TDRD6: variants seen among roughly 807,000 people sequenced by gnomAD.
TDRD6 encodes the protein tudor domain containing 6.
A neutral mutation model predicts 157.5 loss-of-function variants in TDRD6; 186 were observed. The ratio of observed to expected loss-of-function variants is 1.18; its 90% confidence interval spans 1.05 to 1.33. The LOEUF is 1.33. TDRD6 is among the 40% of genes most tolerant of loss of function. TDRD6 has a pLI of 0.00. For synonymous variants in TDRD6, 1,075 were observed against 945.2 expected, an observed-to-expected ratio of 1.14 and a Z score of -2.52; for missense variants, 3,066 against 2,508.0, an observed-to-expected ratio of 1.22 and a Z score of -4.75.
Position 46,691,883 on chromosome 6 carries a change from C to T in TDRD6, c.3755C>T (p.Pro1252Leu), listed in dbSNP as rs1052863482. Reference sequence around the variant, plus strand: ...GGAAATAAAAATAGTCAAGTGTTTCCATTAACAACAGAAAAGAAAGAAGAA... The same window carrying T: ...GGAAATAAAAATAGTCAAGTGTTTCTATTAACAACAGAAAAGAAAGAAGAA... ...SVGNKNSQVFPLTTEKKEEIS... is the reference protein window; with the variant it reads ...SVGNKNSQVFLLTTEKKEEIS... The change falls in exon 1 of 4, where the codon CCA (proline) becomes CTA (leucine). Residue 1252 changes from proline (P) to leucine (L), a missense_variant. By Grantham distance (98) the Pro-to-Leu change is moderately conservative (BLOSUM62 -3). Transcript: ENST00000316081. 6.3e-7 allele frequency: 1 copy of T among 1,592,656 alleles called. No homozygotes were observed. The highest frequency in any genetic ancestry group is 8.5e-7 in the Non-Finnish European group (1 of 1,174,496).
At chr6:46,687,724 C>G (rs1472345970), upstream of TDRD6, 1 of 178,922 alleles carries the variant, frequency 5.6e-6, no homozygotes, top group African/African-American at 2.4e-5. Context: ...GTCGAAGGCG[C>G]TCTGAGGAGA....
intron 3 of TDRD6, among the ~76,000 whole-genome samples, chr6:46,698,409 C>G (rs1169211670): frequency 6.6e-6 from 1 of 152,040 alleles, no homozygotes; most frequent in African/African-American, 2.4e-5. Flanking sequence ...CGATAATATA[C>G]CCATCCAGAG....
intron 1 of TDRD6, among the ~76,000 whole-genome samples, chr6:46,695,302 A>G (rs886118014): frequency 5.3e-5 from 8 of 152,162 alleles, no homozygotes; most frequent in African/African-American, 1.9e-4. Flanking sequence ...ACAGTATTGA[A>G]TCCTGCATTT....
At chr6:46,699,458 G>A (rs2150685030) in intron 3 of TDRD6, among the ~76,000 whole-genome samples, 1 of 152,052 alleles carries the variant, frequency 6.6e-6, no homozygotes. Context: ...CCTCAGGGCA[G>A]GGCCAGAAAA....
In TDRD6 at chr6:46,703,259, T is replaced by C. The variant is rs1457527803; in HGVS notation, c.*1372T>C. ...CTGAAGCCTAATGGAAATAGAATTATGAACCTTAAAAACCCATTATAATTT... is the reference window on the plus strand; with the variant it reads ...CTGAAGCCTAATGGAAATAGAATTACGAACCTTAAAAACCCATTATAATTT... On this transcript the variant is annotated 3_prime_UTR_variant, in exon 4 of 4. Transcript: ENST00000316081. The C allele has an allele frequency of 6.6e-6, 1 of 152,082 alleles. No homozygotes were observed. Among genetic ancestry groups the C allele is most frequent in the African/African-American group, 2.4e-5 (1 of 41,440 alleles). The allele number at this position is 152,082 out of a possible 1,614,324, so 9.4% of individuals were successfully genotyped here.
Position 46,689,970 on chromosome 6 carries a change from G to A in TDRD6, c.1842G>A (p.Gln614=). The change falls in exon 1 of 4, where the codon CAG becomes CAA. Residue 614 remains glutamine (Q), a synonymous_variant. Coordinates refer to ENST00000316081, the MANE Select transcript of TDRD6 (RefSeq NM_001010870.3). The part of the protein sequence containing the change: ...DIWPLGKTWS[Q]EAVSFFKKTV... ...GGCCTTTGGGAAAAACTTGGAGCCA[G>A]GAGGCAGTTTCCTTTTTTAAAAAGA... The A allele has an allele frequency of 6.2e-7, 1 of 1,613,688 alleles. No individual in the cohort carries two copies. Among genetic ancestry groups the A allele is most frequent in the Non-Finnish European group, 8.5e-7 (1 of 1,179,806 alleles).
chr6:46,701,908 C>G lies in TDRD6; in HGVS notation c.*21C>G, dbSNP rs1562062947. 1.2e-6 allele frequency: 2 copies of G among 1,610,176 alleles called. No homozygotes were observed. Among genetic ancestry groups the G allele is most frequent in the South Asian group, 2.2e-5 (2 of 90,632 alleles). On this transcript the variant is annotated 3_prime_UTR_variant, in exon 4 of 4. Coordinates refer to ENST00000316081, the MANE Select transcript of TDRD6 (RefSeq NM_001010870.3). ...TTTAACCGTGGATCTATAGCTGTGG[C>G]CAATCAGTCAGAAGCTGCCCTTGAA... is the stretch of plus-strand genomic sequence containing the variant.
rs1764151815 is a variant in TDRD6, at chr6:46,687,978, C to A, written c.-151C>A. On this transcript the variant is annotated 5_prime_UTR_variant, in exon 1 of 4. Transcript: ENST00000316081. ...CGGAGGACCCTCGACGGGGGAGTTG[C>A]CGAGAAAAGGCCTCGCCGGCATTCT... 8.0e-6 allele frequency: 10 copies of A among 1,252,254 alleles called. No homozygotes were observed. In the South Asian group the frequency reaches 1.8e-4, roughly 22 times the overall value. 77.6% of individuals were successfully genotyped at this position (1,252,254 alleles called of 1,614,324 possible).
chr6:46,690,478 C>T lies in TDRD6; in HGVS notation c.2350C>T (p.Pro784Ser), dbSNP rs370652208. Residue 784 changes from proline (P) to serine (S), a missense_variant, in exon 1 of 4, where the codon CCT becomes TCT. Transcript: ENST00000316081. ...AGTCAGAGTGTCTTATGTTGAAAAC[C>T]CTGGCTATTTCTGGTGTCAGCTGAC... ...VEVRVSYVEN[P>S]GYFWCQLTRN... is the part of the protein sequence containing the mutation. 7 of 1,613,900 alleles carry T rather than the reference C, an allele frequency of 4.3e-6. No individual in the cohort carries two copies. In the African/African-American group the frequency reaches 6.7e-5, roughly 15 times the overall value.
At chr6:46,701,416 A>G (rs1764620883) in intron 3 of TDRD6, among the ~76,000 whole-genome samples, 1 of 152,154 alleles carries the variant, frequency 6.6e-6, no homozygotes, top group Non-Finnish European at 1.5e-5. Context: ...AGTTTATATA[A>G]GATTCAAATT....
At chr6:46,698,922 T>C (rs1030830586) in intron 3 of TDRD6, among the ~76,000 whole-genome samples, 1 of 152,222 alleles carries the variant, frequency 6.6e-6, no homozygotes, top group African/African-American at 2.4e-5. Flanking sequence ...GTGATTGTCC[T>C]GTCAGTTTAG....
rs1194148705 is a variant in TDRD6, at chr6:46,693,564, G to A, written c.5436G>A (p.Leu1812=). The A allele has an allele frequency of 2.5e-5, 40 of 1,613,982 alleles. No homozygotes were observed. Among genetic ancestry groups the A allele is most frequent in the African/African-American group, 6.7e-5 (5 of 74,898 alleles). ...VDKAEFDDKY[L]ITGFNTLLPH... is the part of the protein sequence containing the mutation. ...AAGCAGAGTTTGATGATAAATACCT[G>A]ATTACAGGATTTAACACATTACTAC... Residue 1812 remains leucine (L), a synonymous_variant, in exon 1 of 4, where the codon CTG becomes CTA. Coordinates refer to ENST00000316081, the MANE Select transcript of TDRD6 (RefSeq NM_001010870.3).
rs1265751210 is a variant in TDRD6 at position 46,690,841 on chromosome 6, G to A, written c.2713G>A (p.Ala905Thr). ...TGTTTGGGATGTAAAGGCAATACAA[G>A]CTTTCAATGAATTTATAGATAATGC... is the stretch of plus-strand genomic sequence containing the variant. ...PFVWDVKAIQ[A>T]FNEFIDNAWQ... The change falls in exon 1 of 4, where the codon GCT becomes ACT. Residue 905 changes from alanine (A) to threonine (T), a missense_variant. Coordinates refer to ENST00000316081, the MANE Select transcript of TDRD6 (RefSeq NM_001010870.3). 1 of 1,613,610 alleles carries A rather than the reference G, an allele frequency of 6.2e-7. No homozygotes were observed. The highest frequency in any genetic ancestry group is 1.3e-5 in the African/African-American group (1 of 74,868).
At chr6:46,684,501 T>G (rs894201276), upstream of TDRD6, among the ~76,000 whole-genome samples, 1 of 152,130 alleles carries the variant, frequency 6.6e-6, no homozygotes, top group African/African-American at 2.4e-5. Context: ...TTTATAGGCA[T>G]TTTCAACCCT....
chr6:46,692,532 C>T lies in TDRD6; in HGVS notation c.4404C>T (p.Ile1468=), dbSNP rs765476681. 6.2e-7 allele frequency: 1 copy of T among 1,613,772 alleles called. No individual in the cohort carries two copies. Among genetic ancestry groups the T allele is most frequent in the South Asian group, 1.1e-5 (1 of 91,070 alleles). ...TTATTCTTGCTGATGAACATGGGAT[C>T]ATAGCAGATGATATGATTAGCAGGT... The part of the protein sequence containing the change: ...WEVILADEHG[I]IADDMISRYA... The change falls in exon 1 of 4, where the codon ATC becomes ATT. Residue 1468 remains isoleucine (I), a synonymous_variant. Coordinates refer to ENST00000316081, the MANE Select transcript of TDRD6 (RefSeq NM_001010870.3).
rs1240340858 is a variant in TDRD6 at position 46,690,545 on chromosome 6, A to G, written c.2417A>G (p.Gln806Arg). Residue 806 changes from glutamine (Q) to arginine (R), a missense_variant, in exon 1 of 4, where the codon CAG becomes CGG. Physicochemically the swap from Gln to Arg is conservative, Grantham distance 43 (BLOSUM62 1). Transcript: ENST00000316081. ...CTTAAAACTCTAATGTCTGATATTC[A>G]GTACTATTGCAAAAATACAGCTGCT... ...QGLKTLMSDIQYYCKNTAAPH... is the reference protein window; with the variant it reads ...QGLKTLMSDIRYYCKNTAAPH... 2 of 1,614,194 alleles carry G rather than the reference A, an allele frequency of 1.2e-6. No individual in the cohort carries two copies. The highest frequency in any genetic ancestry group is 4.5e-5 in the East Asian group (2 of 44,876).
intron 3 of TDRD6, 142 bp from the exon 4 acceptor site, chr6:46,701,716 A>C: frequency 1.6e-6 from 1 of 619,418 alleles, no homozygotes. Context: ...TATAGAAATA[A>C]TGCCCTATAG....
At position 46,688,896 on chromosome 6, in the gene TDRD6, A is replaced by G; in HGVS notation, c.768A>G (p.Ile256Met). Reference protein sequence around the residue: ...LQLGVTEAVVITQVCHPHRIH... With the variant: ...LQLGVTEAVVMTQVCHPHRIH... ...TGGGCGTGACGGAGGCCGTGGTCAT[A>G]ACCCAAGTGTGCCATCCCCACCGCA... is the stretch of plus-strand genomic sequence containing the variant. Residue 256 changes from isoleucine (I) to methionine (M), a missense_variant, in exon 1 of 4, where the codon ATA becomes ATG. Transcript: ENST00000316081. 6.2e-7 allele frequency: 1 copy of G among 1,607,518 alleles called. No individual in the cohort carries two copies. The highest frequency in any genetic ancestry group is 8.5e-7 in the Non-Finnish European group (1 of 1,175,800).
rs1764663949 is a variant in TDRD6 at position 46,703,114 on chromosome 6, C to T, written c.*1227C>T. The T allele has an allele frequency of 6.6e-6, 1 of 151,776 alleles. No homozygotes were observed. Among genetic ancestry groups the T allele is most frequent in the Non-Finnish European group, 1.5e-5 (1 of 67,870 alleles). 9.4% of individuals were successfully genotyped at this position (151,776 alleles called of 1,614,324 possible). On this transcript the variant is annotated 3_prime_UTR_variant, in exon 4 of 4. Transcript: ENST00000316081. ...CAAAAGACTGTAAAAAACAAACAAA[C>T]AAAAAAGTGTTGAATGGGACATCCA...
Sources: gnomAD v4.1 joint callset for allele counts (sites outside exome capture counted in the v4.1 genomes callset) on GRCh38, gnomAD v4.1.1 for gene constraint, MANE v1.5 for transcripts, NCBI Gene and HGNC (gene_info 2026-07-23, HGNC 2026-07-21) for gene names.